The following SOX30 variants were observed in gnomAD, a reference collection of about 807,000 sequenced individuals.
SOX30 encodes the protein transcription factor SOX-30.
Under a neutral mutation model 58.6 loss-of-function variants are expected in SOX30, and 17 were observed. That is an observed-to-expected ratio of 0.29 (90% CI 0.20 to 0.44). The LOEUF (loss-of-function observed/expected upper bound fraction) is 0.44, where lower values mean the gene tolerates loss of function less well. SOX30 is among the 20% of genes least tolerant of loss of function. The pLI is 1.00. For missense variants in SOX30, 951 were observed against 965.8 expected, an observed-to-expected ratio of 0.98 and a Z score of 0.20; for synonymous variants, 421 against 400.2, an observed-to-expected ratio of 1.05 and a Z score of -0.62.
chr5:157,652,886 C>T (rs764687498), upstream of SOX30, among the ~76,000 whole-genome samples: 2 of 152,158 alleles, frequency 1.3e-5, no homozygotes, highest in Admixed American at 6.5e-5. Context: ...AGTGATCTTT[C>T]GAAAACGCAA....
At chr5:157,663,255 C>T (rs755308742) in intron 2 of SOX30, among the ~76,000 whole-genome samples, 8 of 152,256 alleles carry the variant, frequency 5.3e-5, no homozygotes, top group Non-Finnish European at 1.0e-4. Context: ...TTATCCACCA[C>T]GATCAAGTGG....
intron 2 of SOX30, among the ~76,000 whole-genome samples, chr5:157,663,626 T>G (rs575694590): frequency 9.9e-5 from 15 of 152,228 alleles, no homozygotes; most frequent in Non-Finnish European, 1.2e-4. Flanking sequence ...AAGAAAGAAA[T>G]AAAGGGTATT....
intron 3 of SOX30, among the ~76,000 whole-genome samples, chr5:157,645,365 G>T (rs763747171): frequency 6.6e-6 from 1 of 152,074 alleles, no homozygotes; most frequent in Non-Finnish European, 1.5e-5. Flanking sequence ...CGCAGTCTTA[G>T]TAGGTTTAAG....
At chr5:157,650,326 TAA>T (rs559847152) in intron 1 of SOX30, among the ~76,000 whole-genome samples, 3 of 151,540 alleles carry the variant, frequency 2.0e-5, no homozygotes, top group African/African-American at 7.3e-5. Flanking sequence ...CACAGAAAAT[TAA>T]AAAAACAATA....
chr5:157,635,492 T>C (rs1758904593), intron 4 of SOX30, among the ~76,000 whole-genome samples: 1 of 152,016 alleles, frequency 6.6e-6, no homozygotes, highest in South Asian at 2.1e-4. Flanking sequence ...GGTGTGGTGA[T>C]AGGCACCTGT....
In SOX30 at chr5:157,651,677, A is replaced by G. The variant is rs1341527464; in HGVS notation, c.402T>C (p.His134=). ...ELHPVQPLAL[H]VKAKKQKLGP... is the part of the protein sequence containing the mutation. ...CCAGCTTCTGCTTCTTGGCCTTGAC[A>G]TGCAGCGCCAGGGGCTGCACCGGGT... The change falls in exon 1 of 5, where the codon CAT becomes CAC. Residue 134 remains histidine (H), a synonymous_variant. Coordinates refer to ENST00000265007, the MANE Select transcript of SOX30 (RefSeq NM_178424.2). The G allele has an allele frequency of 1.2e-6, 2 of 1,607,178 alleles. No individual in the cohort carries two copies. Among genetic ancestry groups the G allele is most frequent in the Non-Finnish European group, 1.7e-6 (2 of 1,177,656 alleles).
intron 2 of SOX30, among the ~76,000 whole-genome samples, chr5:157,647,469 G>T (rs1405585777): frequency 1.4e-5 from 2 of 145,732 alleles, no homozygotes; most frequent in Non-Finnish European, 3.0e-5. Context: ...ATCAAATAAT[G>T]CCTCACTATG....
intron 2 of SOX30, among the ~76,000 whole-genome samples, chr5:157,662,445 TCTTC>T (rs1194481790): frequency 6.6e-6 from 1 of 152,188 alleles, no homozygotes; most frequent in Non-Finnish European, 1.5e-5. Context: ...GTTATTGAAG[TCTTC>T]CTTTCTAATT....
intron 2 of SOX30, among the ~76,000 whole-genome samples, chr5:157,659,439 A>G (rs1253008273): frequency 2.6e-5 from 4 of 152,240 alleles, no homozygotes; most frequent in African/African-American, 9.6e-5. Context: ...GTGGGGTCCA[A>G]TAAGAAAGTT....
chr5:157,638,929 G>GTC (rs1217326717), intron 3 of SOX30, among the ~76,000 whole-genome samples: 1 of 151,764 alleles, frequency 6.6e-6, no homozygotes, highest in African/African-American at 2.4e-5. Flanking sequence ...TACATTTTTT[G>GTC]TCTCTCTCTC....
In SOX30 at chr5:157,648,809, C is replaced by T. The variant is rs574355786; in HGVS notation, c.1055G>A (p.Arg352Gln). ...NAFMVWARIHRPALAKANPAA... is the reference protein window; with the variant it reads ...NAFMVWARIHQPALAKANPAA... Reference sequence around the variant, plus strand: ...TGGGTTAGCTTTGGCTAGTGCTGGTCGGTGGATCCTTGCCCAAACCATAAA... The same window carrying T: ...TGGGTTAGCTTTGGCTAGTGCTGGTTGGTGGATCCTTGCCCAAACCATAAA... Residue 352 changes from arginine to glutamine, a missense_variant, in exon 2 of 5, where the codon CGA (arginine) becomes CAA (glutamine). By Grantham distance (43) the Arg-to-Gln change is conservative. Around this residue, in one of 7 missense-constraint regions of SOX30, gnomAD observed 57 missense variants for 104.0 expected, o/e 0.55. Transcript: ENST00000265007. The T allele has an allele frequency of 6.2e-7, 1 of 1,612,766 alleles. No homozygotes were observed. The highest frequency in any genetic ancestry group is 1.3e-5 in the African/African-American group (1 of 74,468).
chr5:157,658,456 G>T (rs901807049), intron 2 of SOX30, among the ~76,000 whole-genome samples: 2 of 152,312 alleles, frequency 1.3e-5, no homozygotes, highest in African/African-American at 4.8e-5. Context: ...CTGCTCAGAA[G>T]AAACAAGAGG....
At chr5:157,664,047 C>T (rs1340168212) in intron 2 of SOX30, among the ~76,000 whole-genome samples, 15 of 147,176 alleles carry the variant, frequency 1.0e-4, no homozygotes, top group Admixed American at 2.0e-4. Context: ...AGATTCAATG[C>T]CATCCCCATC....
intron 4 of SOX30, 33 bp from the exon 5 acceptor site, chr5:157,626,754 T>C (rs779444839): frequency 6.4e-7 from 1 of 1,557,964 alleles, no homozygotes; most frequent in Non-Finnish European, 8.6e-7. Flanking sequence ...AGGAATTAGA[T>C]CTTGCCCACA....
intron 2 of SOX30, among the ~76,000 whole-genome samples, chr5:157,660,263 A>G (rs899252879): frequency 7.2e-5 from 11 of 152,144 alleles, no homozygotes; most frequent in African/African-American, 2.4e-4. Context: ...TCTACAAAAC[A>G]ATACAAAAAT....
rs200619263 is a variant in SOX30 at position 157,651,282 on chromosome 5, G to T, written c.797C>A (p.Thr266Lys). The T allele has an allele frequency of 1.2e-6, 2 of 1,614,152 alleles. No homozygotes were observed. Among genetic ancestry groups the T allele is most frequent in the Non-Finnish European group, 1.7e-6 (2 of 1,180,042 alleles). ...CTGGATCCGGGCCCCAGGGGGGACC[G>T]TGTGGAGCGTCAAAGGGATCCTAAG... The part of the protein sequence containing the change: ...QDLRIPLTLH[T>K]VPPGARIQFQ... Residue 266 changes from threonine (T) to lysine (K), a missense_variant, in exon 1 of 5, where the codon ACG (threonine) becomes AAG (lysine). This residue lies in a region of SOX30 where 84 missense variants were observed against 68.2 expected (regional missense o/e 1.23). Transcript: ENST00000265007.
At chr5:157,637,321 G>A (rs1698407755) in intron 4 of SOX30, among the ~76,000 whole-genome samples, 2 of 151,920 alleles carry the variant, frequency 1.3e-5, no homozygotes, top group South Asian at 4.1e-4. Flanking sequence ...TGGTAAAAAG[G>A]GCACAAAGAG....
chr5:157,654,766 T>C (rs1759439565), upstream of SOX30, among the ~76,000 whole-genome samples: 1 of 152,172 alleles, frequency 6.6e-6, no homozygotes, highest in African/African-American at 2.4e-5. Flanking sequence ...GAATTACCTC[T>C]TGTCATCCTC....
chr5:157,651,119 T>G lies in SOX30; in HGVS notation c.960A>C (p.Ser320=). The part of the protein sequence containing the change: ...TKDVPLTVLP[S]DAGIPDTPFS... ...TCCCCTGCTGTCTAATACCTGCATCTGAGGGCAACACGGTGAGCGGGACAT... is the reference window on the plus strand; with the variant it reads ...TCCCCTGCTGTCTAATACCTGCATCGGAGGGCAACACGGTGAGCGGGACAT... The change falls in exon 1 of 5, where the codon TCA becomes TCC. Residue 320 remains serine, a synonymous_variant. Transcript: ENST00000265007. The G allele has an allele frequency of 6.5e-7, 1 of 1,537,322 alleles. No individual in the cohort carries two copies. The highest frequency in any genetic ancestry group is 8.8e-7 in the Non-Finnish European group (1 of 1,142,278).
Sources: gnomAD v4.1 joint callset for allele counts (sites outside exome capture counted in the v4.1 genomes callset) on GRCh38, gnomAD v4.1.1 for gene constraint, gnomAD v4.1.1 regional missense constraint, MANE v1.5 for transcripts, NCBI Gene and HGNC (gene_info 2026-07-23, HGNC 2026-07-21) for gene names.